The following PI4KA variants were observed in gnomAD, a reference collection of about 807,000 sequenced individuals.
PI4KA encodes the protein PI4-kinase alpha.
PI4KA carries 122 observed loss-of-function variants against 271.4 expected under a neutral mutation model. The ratio of observed to expected loss-of-function variants is 0.45; its 90% confidence interval spans 0.39 to 0.52. PI4KA has a LOEUF of 0.52. Among genes scored for constraint, PI4KA ranks in the 20% least tolerant of loss-of-function variants. The pLI is 0.00. For synonymous variants in PI4KA, 1,041 were observed against 1,078.8 expected (o/e 0.96, Z 0.69); for missense variants, 1,969 against 2,769.1 (o/e 0.71, Z 6.48).
chr22:20,712,220 G>A, intron 50 of PI4KA: 1 of 222,942 alleles, frequency 4.5e-6, no homozygotes, highest in Non-Finnish European at 7.5e-6. Flanking sequence ...ACTATGCCCA[G>A]CTAATTTTTG....
At chr22:20,811,364 A>G (rs1353612638) in intron 8 of PI4KA, among the ~76,000 whole-genome samples, 1 of 152,154 alleles carries the variant, frequency 6.6e-6, no homozygotes, top group East Asian at 1.9e-4. Context: ...CATGGTTAAC[A>G]GGCACAGTTG....
intron 1 of PI4KA, among the ~76,000 whole-genome samples, chr22:20,851,131 G>A (rs1437271984): frequency 1.3e-5 from 2 of 152,068 alleles, no homozygotes; most frequent in Non-Finnish European, 2.9e-5. Context: ...AGGCCGAAGT[G>A]GGCAGACGGC....
At chr22:20,755,728 G>C (rs1387321004) in intron 23 of PI4KA, among the ~76,000 whole-genome samples, 1 of 151,864 alleles carries the variant, frequency 6.6e-6, no homozygotes, top group Non-Finnish European at 1.5e-5. Context: ...CTTGAGCCTG[G>C]GAGGTAGAGG....
intron 39 of PI4KA, 132 bp from the exon 40 acceptor site, chr22:20,727,996 G>T: frequency 1.7e-6 from 1 of 590,568 alleles, no homozygotes. Context: ...GTGACGGCTT[G>T]GGTACAAACA....
intron 19 of PI4KA, chr22:20,779,058 G>A: frequency 1.1e-6 from 1 of 907,630 alleles, no homozygotes; most frequent in East Asian, 3.1e-5. Context: ...AACCTTTAAA[G>A]AAGGGATTTT....
intron 32 of PI4KA, among the ~76,000 whole-genome samples, chr22:20,738,662 A>G (rs1183263482): frequency 6.6e-6 from 1 of 152,162 alleles, no homozygotes; most frequent in Non-Finnish European, 1.5e-5. Context: ...TGGGTGGAGA[A>G]GCCTGACACA....
In PI4KA at chr22:20,710,773, GATC is replaced by G; in HGVS notation, c.6006_6008del (p.Met2002del). 1 of 1,613,766 alleles carries G rather than the reference GATC, an allele frequency of 6.2e-7. No individual in the cohort carries two copies. Among genetic ancestry groups the G allele is most frequent in the Non-Finnish European group, 8.5e-7 (1 of 1,179,726 alleles). On this transcript the variant is annotated inframe_deletion, in exon 52 of 55. Coordinates refer to ENST00000255882, the MANE Select transcript of PI4KA (RefSeq NM_058004.4). Reference sequence around the variant, plus strand: ...GTGTGGCCTCCATCTTGCCCCCCATGATCATCACCATCTCATCCGTCAGCTTGA... The same window carrying G: ...GTGTGGCCTCCATCTTGCCCCCCATGATCACCATCTCATCCGTCAGCTTGA...
At chr22:20,733,262 G>A (rs1928286136) in intron 35 of PI4KA, among the ~76,000 whole-genome samples, 164 bp from the exon 36 acceptor site, 1 of 150,976 alleles carries the variant, frequency 6.6e-6, no homozygotes, top group East Asian at 1.9e-4. Flanking sequence ...CCATGGGAAG[G>A]TGTGGTGGCT....
intron 27 of PI4KA, among the ~76,000 whole-genome samples, chr22:20,750,207 A>G (rs973795050): frequency 2.0e-5 from 3 of 152,232 alleles, no homozygotes; most frequent in African/African-American, 7.2e-5. Flanking sequence ...CAATCTGGCC[A>G]GTATCCTTCC....
chr22:20,856,438 T>C (rs1467345736), intron 1 of PI4KA, among the ~76,000 whole-genome samples: 1 of 32,720 alleles, frequency 3.1e-5, no homozygotes, highest in Admixed American at 3.4e-4. Context: ...AATCTTTTTC[T>C]TTTTTTTTTT....
At chr22:20,842,530 A>T (rs1466625449) in intron 1 of PI4KA, among the ~76,000 whole-genome samples, 7 of 152,078 alleles carry the variant, frequency 4.6e-5, no homozygotes, top group Non-Finnish European at 7.4e-5. Flanking sequence ...TACAGGCAAT[A>T]GGCCGGGCAC....
At chr22:20,825,884 A>G (rs2147723799) in intron 3 of PI4KA, among the ~76,000 whole-genome samples, 1 of 152,214 alleles carries the variant, frequency 6.6e-6, no homozygotes, top group South Asian at 2.1e-4. Context: ...CCTTCCTCCT[A>G]TTCTCCACTC....
At chr22:20,721,216 C>T (rs1926699048) in intron 43 of PI4KA, 82 bp downstream of exon 43, 12 of 1,485,420 alleles carry the variant, frequency 8.1e-6, no homozygotes, top group African/African-American at 1.4e-5. Context: ...TGCAGGCTGG[C>T]GAGAGCCCTG....
At chr22:20,786,809 T>G in intron 19 of PI4KA, 1 of 1,454,404 alleles carries the variant, frequency 6.9e-7, no homozygotes, top group Non-Finnish European at 9.7e-7. Context: ...GATATGAGAT[T>G]GTGCTGGGAA....
chr22:20,810,404 G>A (rs1361056759), intron 9 of PI4KA, among the ~76,000 whole-genome samples: 1 of 151,968 alleles, frequency 6.6e-6, no homozygotes, highest in Non-Finnish European at 1.5e-5. Context: ...AGCTACTTAG[G>A]AAGCGGAGGT....
At chr22:20,799,464 A>G (rs1935169579) in intron 15 of PI4KA, among the ~76,000 whole-genome samples, 188 bp from the exon 16 acceptor site, 1 of 143,994 alleles carries the variant, frequency 6.9e-6, no homozygotes. Context: ...TCTGGATGAC[A>G]AAGATCTTTC....
chr22:20,783,258 CTT>C (rs1252500720), intron 19 of PI4KA, among the ~76,000 whole-genome samples: 1 of 152,106 alleles, frequency 6.6e-6, no homozygotes, highest in African/African-American at 2.4e-5. Context: ...ACCCAAATGT[CTT>C]GTTAGTCACT....
intron 2 of PI4KA, among the ~76,000 whole-genome samples, chr22:20,838,063 G>C (rs2147775146): frequency 6.6e-6 from 1 of 151,584 alleles, no homozygotes; most frequent in South Asian, 2.1e-4. Context: ...AGAGGTTGCA[G>C]TGAGCCGAGA....
At position 20,765,058 on chromosome 22, in the gene PI4KA, T is replaced by C. The variant is rs758317733; in HGVS notation, c.2574+42A>G. 7 of 1,594,182 alleles carry C rather than the reference T, an allele frequency of 4.4e-6. No individual in the cohort carries two copies. The Admixed American group carries it at 6.8e-5, about 15-fold the overall frequency. On this transcript the variant is annotated intron_variant, in intron 21 of 54. Coordinates refer to ENST00000255882, the MANE Select transcript of PI4KA (RefSeq NM_058004.4). ...ATGACAGTGAAAAGATCTGCCCTAA[T>C]TGGCACAGAGAGCATGGTAAAAATG...
Sources: allele counts gnomAD v4.1 joint callset (sites outside exome capture counted in the v4.1 genomes callset), GRCh38; gene constraint gnomAD v4.1.1; transcripts MANE v1.5; gene names NCBI Gene and HGNC (gene_info 2026-07-23, HGNC 2026-07-21).